Variants in TSC22D3 observed in about 807,000 individuals in gnomAD.
The protein encoded by TSC22D3 is TSC22 domain family member 3.
A neutral mutation model predicts 11.1 loss-of-function variants in TSC22D3; 4 were observed. The observed-to-expected ratio is 0.36, with a 90% confidence interval of 0.18 to 0.83. TSC22D3 has a LOEUF of 0.83. Among genes scored for constraint, TSC22D3 ranks in the 40% least tolerant of loss-of-function variants. The pLI is 0.48. For missense variants in TSC22D3, 118 were observed against 159.4 expected, an observed-to-expected ratio of 0.74 and a Z score of 1.40; for synonymous variants, 77 against 70.3, an observed-to-expected ratio of 1.10 and a Z score of -0.48.
rs180884628 is a variant in TSC22D3, at chrX:107,761,954, C to T, written c.320+13146G>A. 4.4e-3 allele frequency among the ~76,000 whole-genome samples: 496 copies of T among 111,905 alleles called. 2 individuals carry two copies. The highest frequency in any genetic ancestry group is 0.015 in the African/African-American group (458 of 30,795). ...GATTTTCTAATTCTGGGTGAAGTCC[C>T]GTTAGCCTGTGTTCTCCTGACTTCC... On this transcript the variant is annotated intron_variant, in intron 1 of 2. Coordinates refer to ENST00000372383, the MANE Select transcript of TSC22D3 (RefSeq NM_198057.3).
At chrX:107,717,199 G>A in intron 1 of TSC22D3, 1 of 498,832 alleles carries the variant, frequency 2.0e-6, no homozygotes. Context: ...CTTAGGCTGG[G>A]ACTGTAAACA....
chrX:107,734,953 C>T (rs1282753619), intron 1 of TSC22D3, among the ~76,000 whole-genome samples: 1 of 100,792 alleles, frequency 9.9e-6, no homozygotes, highest in Non-Finnish European at 1.9e-5. Flanking sequence ...AGGTTGTAAC[C>T]AGCCCAAGGT....
Position 107,743,557 on chromosome X carries a change from C to G in TSC22D3, c.321-27607G>C, listed in dbSNP as rs772205208. Among the ~76,000 whole-genome samples the G allele has an allele frequency of 8.9e-5, 10 of 112,146 alleles. 1 individual carries two copies. In the South Asian group the frequency reaches 3.7e-3, roughly 42 times the overall value. The stretch of plus-strand genomic sequence containing the variant: ...GGCCCCAGAAGCAGTAGTCCTGGCT[C>G]CAGAGTTGGATTTGTGAGCTGAGGA... On this transcript the variant is annotated intron_variant, in intron 1 of 2. Transcript: ENST00000372383.
chrX:107,716,750 G>A, intron 1 of TSC22D3: 1 of 1,209,124 alleles, frequency 8.3e-7, no homozygotes, highest in Non-Finnish European at 1.1e-6. Context: ...GAAGGAGATG[G>A]AGAAATTGTG....
At chrX:107,729,206 A>G (rs1927775788) in intron 1 of TSC22D3, among the ~76,000 whole-genome samples, 1 of 111,936 alleles carries the variant, frequency 8.9e-6, no homozygotes, top group African/African-American at 3.3e-5. Flanking sequence ...CTTGCTCATC[A>G]AAACATCCTC....
chrX:107,768,133 T>C (rs1929749249), intron 1 of TSC22D3, among the ~76,000 whole-genome samples: 1 of 111,859 alleles, frequency 8.9e-6, no homozygotes, highest in African/African-American at 3.3e-5. Flanking sequence ...AAAGTTCAGG[T>C]AGGAGCAGAA....
intron 1 of TSC22D3, among the ~76,000 whole-genome samples, chrX:107,754,271 T>C (rs1929072712): frequency 9.0e-6 from 1 of 111,487 alleles, no homozygotes; most frequent in Admixed American, 9.6e-5. Context: ...CTACATTATC[T>C]CTTATTTTGG....
intron 1 of TSC22D3, among the ~76,000 whole-genome samples, chrX:107,754,172 G>T (rs895673366): frequency 3.6e-5 from 4 of 110,678 alleles, no homozygotes; most frequent in Non-Finnish European, 5.7e-5. Context: ...TCCCACCTCG[G>T]CCTCTCAAAT....
intron 1 of TSC22D3, among the ~76,000 whole-genome samples, chrX:107,750,070 G>A (rs775573766): frequency 9.0e-6 from 1 of 111,523 alleles, no homozygotes. Context: ...AGGATTGCTT[G>A]AGCCCAGGAG....
At position 107,715,944 on chromosome X, in the gene TSC22D3, G is replaced by T; in HGVS notation, c.327C>A (p.Ser109=). 2 of 1,210,937 alleles carry T rather than the reference G, an allele frequency of 1.7e-6. No homozygotes were observed. Among genetic ancestry groups the T allele is most frequent in the Non-Finnish European group, 2.2e-6 (2 of 895,314 alleles). ...LSILLFFHSA[S]GASVVAIDNK... is the part of the protein sequence containing the mutation. ...TGTCTATGGCCACCACGCTGGCTCC[G>T]GAGGCACTGCCAAGACAAAAAGCAA... Residue 109 remains serine, a synonymous_variant, in exon 2 of 3, where the codon TCC becomes TCA. Coordinates refer to ENST00000372383, the MANE Select transcript of TSC22D3 (RefSeq NM_198057.3).
intron 1 of TSC22D3, chrX:107,716,312 T>TA (rs1927026166): frequency 1.1e-6 from 1 of 911,311 alleles, no homozygotes; most frequent in African/African-American, 2.1e-5. Context: ...CAGGCAAACC[T>TA]ACCCGGCTCT....
intron 1 of TSC22D3, chrX:107,722,171 A>AATGCAG (rs912074620): frequency 7.9e-6 from 2 of 251,669 alleles, no homozygotes; most frequent in African/African-American, 5.6e-5. Context: ...TGGGGAGGAG[A>AATGCAG]ATGCAGATGC....
At chrX:107,719,619 T>A (rs924453017) in intron 1 of TSC22D3, among the ~76,000 whole-genome samples, 5 of 111,900 alleles carry the variant, frequency 4.5e-5, no homozygotes, top group African/African-American at 1.6e-4. Flanking sequence ...GACCCAGAGA[T>A]CAAATCTGTT....
chrX:107,719,162 C>A (rs1206342277), intron 1 of TSC22D3, among the ~76,000 whole-genome samples: 1 of 111,710 alleles, frequency 9.0e-6, no homozygotes, highest in Admixed American at 9.5e-5. Context: ...GGGAAAAACA[C>A]CACCAGGAAA....
intron 1 of TSC22D3, chrX:107,722,140 C>T (rs367960486): frequency 3.7e-6 from 1 of 269,881 alleles, no homozygotes; most frequent in Non-Finnish European, 6.6e-6. Context: ...CCCAGAGCTC[C>T]GAATTTCAGG....
intron 1 of TSC22D3, among the ~76,000 whole-genome samples, chrX:107,728,659 G>T (rs369230607): frequency 2.7e-5 from 3 of 112,257 alleles, no homozygotes; most frequent in Admixed American, 9.4e-5. Context: ...TGATGGGAGT[G>T]GGGGGAGGAC....
rs1364683237 is a variant in TSC22D3, at chrX:107,713,671, C to T, written c.*848G>A. Reference sequence around the variant, plus strand: ...TGGCCGCATTCAGAGGCTGGCCCCCCTCCTTGCCTTTACTCTCGAGTCTTA... The same window carrying T: ...TGGCCGCATTCAGAGGCTGGCCCCCTTCCTTGCCTTTACTCTCGAGTCTTA... On this transcript the variant is annotated 3_prime_UTR_variant, in exon 3 of 3. Transcript: ENST00000372383. 8.9e-6 allele frequency: 1 copy of T among 111,812 alleles called. No individual in the cohort carries two copies. The highest frequency in any genetic ancestry group is 9.5e-5 in the Admixed American group (1 of 10,535). The allele number at this position is 111,812 out of a possible 1,213,427, so 9.2% of individuals were successfully genotyped here.
chrX:107,744,128 C>T (rs931301414), intron 1 of TSC22D3, among the ~76,000 whole-genome samples: 4 of 111,913 alleles, frequency 3.6e-5, no homozygotes, highest in African/African-American at 6.5e-5. Context: ...TCAATCAGGT[C>T]GATCGATTTA....
intron 1 of TSC22D3, among the ~76,000 whole-genome samples, chrX:107,774,214 T>C: frequency 8.9e-6 from 1 of 112,230 alleles, no homozygotes; most frequent in Middle Eastern, 4.6e-3. Context: ...TTTCCTGATG[T>C]TGTCTGCCCT....
Sources: gnomAD v4.1 joint callset for allele counts (sites outside exome capture counted in the v4.1 genomes callset) on GRCh38, gnomAD v4.1.1 for gene constraint, MANE v1.5 for transcripts, NCBI Gene and HGNC (gene_info 2026-07-23, HGNC 2026-07-21) for gene names.